The following SERPINA4 variants were observed in gnomAD, a reference collection of about 807,000 sequenced individuals.
The protein encoded by SERPINA4 is kallistatin.
SERPINA4 carries 24 observed loss-of-function variants against 25.4 expected under a neutral mutation model. The ratio of observed to expected loss-of-function variants is 0.95; its 90% CI spans 0.69 to 1.33. The LOEUF (loss-of-function observed/expected upper bound fraction) is 1.33. Among genes scored for constraint, SERPINA4 ranks in the 40% most tolerant of loss-of-function variants. SERPINA4 has a pLI of 0.00. For missense variants in SERPINA4, 553 were observed against 535.8 expected, an observed-to-expected ratio of 1.03 and a Z score of -0.32; for synonymous variants, 242 against 223.6, an observed-to-expected ratio of 1.08 and a Z score of -0.73.
chr14:94,567,989 TG>T, intron 3 of SERPINA4, 139 bp from the exon 4 acceptor site: 1 of 772,376 alleles, frequency 1.3e-6, no homozygotes, highest in Non-Finnish European at 2.1e-6. Context: ...TTGTGGGAGG[TG>T]GTCTGAGCCG....
chr14:94,568,118 G>T lies in SERPINA4; in HGVS notation c.924-11G>T, dbSNP rs1269972554. ...CATTAATCTAATGTTCTAACTCAAT[G>T]CCCCTTTCAGGAATTTTTACAAGAA... On this transcript the variant is annotated splice_polypyrimidine_tract_variant and intron_variant, in intron 3 of 4. Transcript: ENST00000557004. 6.2e-7 allele frequency: 1 copy of T among 1,613,912 alleles called. No individual in the cohort carries two copies. Among genetic ancestry groups the T allele is most frequent in the Non-Finnish European group, 8.5e-7 (1 of 1,179,940 alleles).
rs1262692793 is a variant in SERPINA4 at position 94,569,721 on chromosome 14, G to A, written c.*126G>A. On this transcript the variant is annotated 3_prime_UTR_variant, in exon 5 of 5. Coordinates refer to ENST00000557004, the MANE Select transcript of SERPINA4 (RefSeq NM_006215.4). ...GAAGGTCCAGGAGTCCAGGACAGCA[G>A]GTGCTGGCCGGTGGGGAGCGGGGAG... The A allele has an allele frequency of 8.0e-6, 8 of 996,908 alleles. No individual in the cohort carries two copies. In the East Asian group the frequency reaches 1.5e-4, roughly 19 times the overall value. The allele number at this position is 996,908 out of a possible 1,614,324, so 61.8% of individuals were successfully genotyped here.
intron 4 of SERPINA4, among the ~76,000 whole-genome samples, chr14:94,568,710 A>C (rs1402232852): frequency 1.3e-5 from 2 of 151,896 alleles, no homozygotes; most frequent in Non-Finnish European, 2.9e-5. Context: ...CAAAAATTAG[A>C]ATGGTGTGGT....
In SERPINA4 at chr14:94,568,221, C is replaced by A. The variant is rs763312128; in HGVS notation, c.1016C>A (p.Thr339Lys). Residue 339 changes from threonine to lysine, a missense_variant, in exon 4 of 5, where the codon ACG becomes AAG. Physicochemically the swap from Thr to Lys is moderately conservative, Grantham distance 78. Coordinates refer to ENST00000557004, the MANE Select transcript of SERPINA4 (RefSeq NM_006215.4). ...LDQILPRLGF[T>K]DLFSKWADLS... ...CAGATTTTGCCCAGGCTGGGCTTCACGGATCTGTTCTCCAAGTGGGCTGAC... is the reference window on the plus strand; with the variant it reads ...CAGATTTTGCCCAGGCTGGGCTTCAAGGATCTGTTCTCCAAGTGGGCTGAC... 9.9e-6 allele frequency: 16 copies of A among 1,614,112 alleles called. No individual in the cohort carries two copies. The highest frequency in any genetic ancestry group is 3.3e-5 in the Admixed American group (2 of 60,012).
Position 94,561,496 on chromosome 14 carries a change from T to G in SERPINA4, c.-18+2T>G. The G allele has an allele frequency of 4.6e-6, 2 of 438,372 alleles. No individual in the cohort carries two copies. The highest frequency in any genetic ancestry group is 7.8e-6 in the Non-Finnish European group (2 of 257,336). 27.2% of individuals were successfully genotyped at this position (438,372 alleles called of 1,614,324 possible). A position where few individuals can be genotyped will look rare whatever the true frequency, so the allele number is the denominator to read the frequency against. ...GTCCACTCCAGGACAGACTGTGCCG[T>G]GAGTAACCCCCTGAGACAATGGAGA... On this transcript the variant is annotated splice_donor_variant, in intron 1 of 4. Transcript: ENST00000557004. LOFTEE classifies it low-confidence loss of function (5UTR_SPLICE).
chr14:94,564,190 T>C (rs1258103395), intron 2 of SERPINA4, 59 bp downstream of exon 2: 1 of 1,516,524 alleles, frequency 6.6e-7, no homozygotes, highest in African/African-American at 1.4e-5. Context: ...ACCCACTAAT[T>C]TGTTGACTGG....
intron 1 of SERPINA4, among the ~76,000 whole-genome samples, chr14:94,562,257 G>A (rs2139899086): frequency 6.6e-6 from 1 of 152,270 alleles, no homozygotes; most frequent in East Asian, 1.9e-4. Flanking sequence ...TGTGTGGTCT[G>A]CAAAACCACA....
chr14:94,564,467 A>C (rs1902137948), intron 2 of SERPINA4, among the ~76,000 whole-genome samples: 1 of 152,248 alleles, frequency 6.6e-6, no homozygotes, highest in Admixed American at 6.5e-5. Context: ...TGCTCAAAGC[A>C]GGGATAAGAC....
At chr14:94,568,867 CAAAAAA>C (rs33940669) in intron 4 of SERPINA4, among the ~76,000 whole-genome samples, 1 of 81,230 alleles carries the variant, frequency 1.2e-5, no homozygotes, top group African/African-American at 4.3e-5. Context: ...GACTCCATCT[CAAAAAA>C]AAAAAAAAAG....
Position 94,567,044 on chromosome 14 carries a change from C to T in SERPINA4, c.724C>T (p.Arg242Trp), listed in dbSNP as rs147177331. ...DFYVDENTTV[R>W]VPMMLQDQEH... ...CTATGTTGATGAGAACACAACAGTC[C>T]GGGTGCCCATGATGCTGCAGGACCA... The change falls in exon 3 of 5, where the codon CGG becomes TGG. Residue 242 changes from arginine (R) to tryptophan (W), a missense_variant. Coordinates refer to ENST00000557004, the MANE Select transcript of SERPINA4 (RefSeq NM_006215.4). The T allele has an allele frequency of 8.4e-5, 135 of 1,614,172 alleles. No individual in the cohort carries two copies. The African/African-American group carries it at 9.1e-4, about 11-fold the overall frequency.
chr14:94,567,673 G>A (rs1231050584), intron 3 of SERPINA4, among the ~76,000 whole-genome samples: 1 of 152,184 alleles, frequency 6.6e-6, no homozygotes, highest in Non-Finnish European at 1.5e-5. Flanking sequence ...GGTTATGATT[G>A]GAAAAAGTCT....
intron 4 of SERPINA4, 62 bp downstream of exon 4, chr14:94,568,350 C>T (rs1902286823): frequency 6.4e-7 from 1 of 1,574,238 alleles, no homozygotes. Flanking sequence ...ATGGGAGCTG[C>T]CAGGCGATGG....
intron 2 of SERPINA4, among the ~76,000 whole-genome samples, chr14:94,565,655 G>A (rs1192077532): frequency 6.7e-6 from 1 of 150,078 alleles, no homozygotes; most frequent in African/African-American, 2.5e-5. Context: ...AGACCAGCCC[G>A]GCCAACATGG....
rs2139901044 is a variant in SERPINA4, at chr14:94,563,697, G to A, written c.215G>A (p.Gly72Glu). 2 of 1,613,864 alleles carry A rather than the reference G, an allele frequency of 1.2e-6. No individual in the cohort carries two copies. The highest frequency in any genetic ancestry group is 1.7e-6 in the Non-Finnish European group (2 of 1,180,042). ...FYYLIASETP[G>E]KNIFFSPLSI... ...TACCTGATCGCTTCGGAGACCCCGG[G>A]GAAGAACATCTTTTTCTCCCCGCTG... The change falls in exon 2 of 5, where the codon GGG (glycine) becomes GAG (glutamate). Residue 72 changes from glycine to glutamate, a missense_variant. Gly to Glu is a moderately conservative substitution (Grantham distance 98). Transcript: ENST00000557004.
At chr14:94,567,756 G>A (rs1902265313) in intron 3 of SERPINA4, among the ~76,000 whole-genome samples, 1 of 152,230 alleles carries the variant, frequency 6.6e-6, no homozygotes, top group Non-Finnish European at 1.5e-5. Flanking sequence ...CTTTCATGAT[G>A]GAGAGAATCC....
At chr14:94,565,325 T>G (rs1471972142) in intron 2 of SERPINA4, among the ~76,000 whole-genome samples, 1 of 152,150 alleles carries the variant, frequency 6.6e-6, no homozygotes, top group African/African-American at 2.4e-5. Flanking sequence ...CAGGGCAAAC[T>G]GGAGCACACA....
In SERPINA4 at chr14:94,563,928, T is replaced by C; in HGVS notation, c.446T>C (p.Leu149Pro). 6.2e-7 allele frequency: 1 copy of C among 1,614,186 alleles called. No homozygotes were observed. Among genetic ancestry groups the C allele is most frequent in the Non-Finnish European group, 8.5e-7 (1 of 1,180,036 alleles). ...AGTGCTCTGTTCCTGAGCCACAACCTGAAGTTCCTTGCAAAATTCCTGAAT... is the reference window on the plus strand; with the variant it reads ...AGTGCTCTGTTCCTGAGCCACAACCCGAAGTTCCTTGCAAAATTCCTGAAT... ...VGSALFLSHN[L>P]KFLAKFLNDT... The change falls in exon 2 of 5, where the codon CTG (leucine) becomes CCG (proline). Residue 149 changes from leucine (L) to proline (P), a missense_variant. By Grantham distance (98) the Leu-to-Pro change is moderately conservative. Coordinates refer to ENST00000557004, the MANE Select transcript of SERPINA4 (RefSeq NM_006215.4).
chr14:94,568,254 G>A lies in SERPINA4; in HGVS notation c.1049G>A (p.Gly350Asp), dbSNP rs868769133. 3 of 1,614,168 alleles carry A rather than the reference G, an allele frequency of 1.9e-6. No homozygotes were observed. The highest frequency in any genetic ancestry group is 1.7e-6 in the Non-Finnish European group (2 of 1,180,030). ...TTCTCCAAGTGGGCTGACTTATCCG[G>A]CATCACCAAACAGCAAAAACTGGAG... ...DLFSKWADLS[G>D]ITKQQKLEAS... is the part of the protein sequence containing the mutation. The change falls in exon 4 of 5, where the codon GGC becomes GAC. Residue 350 changes from glycine to aspartate, a missense_variant. By Grantham distance (94) the Gly-to-Asp change is moderately conservative. Transcript: ENST00000557004.
intron 2 of SERPINA4, among the ~76,000 whole-genome samples, chr14:94,565,745 C>A (rs1457432322): frequency 6.6e-6 from 1 of 151,848 alleles, no homozygotes; most frequent in African/African-American, 2.4e-5. Flanking sequence ...GTAATCCCAG[C>A]CACTTGGGAG....
Sources: gnomAD v4.1 joint callset for allele counts (sites outside exome capture counted in the v4.1 genomes callset) on GRCh38, gnomAD v4.1.1 for gene constraint, MANE v1.5 for transcripts, NCBI Gene and HGNC (gene_info 2026-07-23, HGNC 2026-07-21) for gene names.